The following FRMD5 variants were observed in gnomAD, a reference collection of about 807,000 sequenced individuals.
The protein encoded by FRMD5 is FERM domain-containing protein 5.
A neutral mutation model predicts 69.0 loss-of-function variants in FRMD5; 20 were observed. The ratio of observed to expected loss-of-function variants is 0.29; its 90% CI spans 0.20 to 0.42. FRMD5 has a LOEUF of 0.42. Among genes scored for constraint, FRMD5 ranks in the 10% least tolerant of loss-of-function variants. The pLI, the probability that FRMD5 is intolerant of heterozygous loss-of-function variation, is 1.00. For synonymous variants in FRMD5, 271 were observed against 260.1 expected (o/e 1.04, Z -0.40); for missense variants, 595 against 708.6 (o/e 0.84, Z 1.82).
chr15:43,902,436 T>A (rs1346453427), intron 6 of FRMD5, among the ~76,000 whole-genome samples, 174 bp from the exon 7 acceptor site: 1 of 152,170 alleles, frequency 6.6e-6, no homozygotes, highest in Non-Finnish European at 1.5e-5. Flanking sequence ...TCTCTGACTG[T>A]CTTCAAACGT....
At chr15:43,973,265 G>A (rs931882481) in intron 1 of FRMD5, among the ~76,000 whole-genome samples, 37 of 151,692 alleles carry the variant, frequency 2.4e-4, no homozygotes, top group African/African-American at 2.2e-4. Flanking sequence ...CTCATGATCC[G>A]CCTGCCTCGG....
At chr15:43,986,462 T>C (rs1001137505) in intron 1 of FRMD5, among the ~76,000 whole-genome samples, 2 of 152,186 alleles carry the variant, frequency 1.3e-5, no homozygotes, top group Admixed American at 1.3e-4. Context: ...GGCAAACTAA[T>C]CAATGTAAAT....
intron 1 of FRMD5, among the ~76,000 whole-genome samples, chr15:44,157,669 A>T (rs2077549436): frequency 6.6e-6 from 1 of 152,206 alleles, no homozygotes; most frequent in Non-Finnish European, 1.5e-5. Context: ...GCTCTATGGT[A>T]TGCAAATGTA....
At chr15:44,054,844 G>A (rs1198351131) in intron 1 of FRMD5, among the ~76,000 whole-genome samples, 2 of 151,954 alleles carry the variant, frequency 1.3e-5, no homozygotes, top group African/African-American at 2.4e-5. Context: ...GGCCGAGGCG[G>A]GCACATCACG....
intron 1 of FRMD5, among the ~76,000 whole-genome samples, chr15:44,109,224 T>C (rs2076763548): frequency 6.6e-6 from 1 of 152,078 alleles, no homozygotes; most frequent in African/African-American, 2.4e-5. Context: ...TGTTTGCTCT[T>C]TGCATTCTTT....
chr15:43,964,678 G>T (rs575973258), intron 1 of FRMD5, among the ~76,000 whole-genome samples: 71 of 152,194 alleles, frequency 4.7e-4, no homozygotes, highest in South Asian at 8.3e-4. Context: ...ATGGAGAAAA[G>T]ATATTACCTA....
rs769278740 is a variant in FRMD5 at position 44,038,973 on chromosome 15, C to T, written c.103-114664G>A. On this transcript the variant is annotated intron_variant, in intron 1 of 13. Transcript: ENST00000417257. ...TGCTGCTAGCACAGCAGTCTGAGGT[C>T]GACTTAGAATGCTCAAGCTTTGTAG... Among the ~76,000 whole-genome samples, 5 of 152,282 alleles carry T rather than the reference C, an allele frequency of 3.3e-5. No homozygotes were observed. The South Asian group carries it at 1.0e-3, about 32-fold the overall frequency.
intron 1 of FRMD5, among the ~76,000 whole-genome samples, chr15:43,944,456 T>C (rs151315498): frequency 5.5e-3 from 831 of 152,330 alleles, no homozygotes; most frequent in South Asian, 0.013. Flanking sequence ...GTTTTCACTC[T>C]TGTTGCCCAG....
intron 1 of FRMD5, among the ~76,000 whole-genome samples, chr15:44,192,553 TC>T (rs1220404927): frequency 6.6e-6 from 1 of 152,138 alleles, no homozygotes; most frequent in Non-Finnish European, 1.5e-5. Context: ...ATTTAAAAGA[TC>T]CTATGCCCAG....
intron 1 of FRMD5, among the ~76,000 whole-genome samples, chr15:44,127,151 C>T (rs890783940): frequency 6.6e-6 from 1 of 152,154 alleles, no homozygotes; most frequent in African/African-American, 2.4e-5. Context: ...GGTGCAATAT[C>T]GGCTCACTGC....
intron 1 of FRMD5, among the ~76,000 whole-genome samples, chr15:43,993,468 C>A (rs528238626): frequency 2.0e-5 from 3 of 152,326 alleles, no homozygotes; most frequent in African/African-American, 7.2e-5. Flanking sequence ...GCTGGAATTA[C>A]AGGCGTGAGC....
chr15:43,923,784 C>G (rs941610168), intron 2 of FRMD5, among the ~76,000 whole-genome samples: 1 of 152,194 alleles, frequency 6.6e-6, no homozygotes, highest in Non-Finnish European at 1.5e-5. Context: ...AAGGCCCGCG[C>G]TGGTTTGGCT....
chr15:43,879,688 A>G (rs2087841411), intron 13 of FRMD5: 1 of 398,996 alleles, frequency 2.5e-6, no homozygotes, highest in Admixed American at 4.4e-5. Flanking sequence ...CAGGAAGGCA[A>G]ATACTTCTTC....
At chr15:43,968,068 A>G (rs2140565997) in intron 1 of FRMD5, among the ~76,000 whole-genome samples, 1 of 151,338 alleles carries the variant, frequency 6.6e-6, no homozygotes, top group Admixed American at 6.6e-5. Context: ...ATTTTTTTCC[A>G]TTTTAGGAAA....
intron 4 of FRMD5, 186 bp downstream of exon 4, chr15:43,919,272 GC>G (rs1193157179): frequency 6.7e-6 from 5 of 746,902 alleles, no homozygotes; most frequent in African/African-American, 5.1e-5. Context: ...CCACTCTGTT[GC>G]GACTGCACTG....
At chr15:44,167,125 T>C (rs537344965) in intron 1 of FRMD5, among the ~76,000 whole-genome samples, 7 of 152,162 alleles carry the variant, frequency 4.6e-5, no homozygotes, top group Non-Finnish European at 8.8e-5. Context: ...TCCAAGCAAC[T>C]GGTTCATATT....
At chr15:44,008,267 T>C (rs1277469335) in intron 1 of FRMD5, among the ~76,000 whole-genome samples, 3 of 151,564 alleles carry the variant, frequency 2.0e-5, no homozygotes, top group Non-Finnish European at 4.4e-5. Flanking sequence ...GAAGGCTTTA[T>C]TTTATTATTT....
intron 1 of FRMD5, among the ~76,000 whole-genome samples, chr15:44,192,761 T>C (rs1330969857): frequency 6.6e-6 from 1 of 152,210 alleles, no homozygotes; most frequent in Non-Finnish European, 1.5e-5. Context: ...GCCAAAGTGA[T>C]GCCAAAGAAT....
intron 1 of FRMD5, among the ~76,000 whole-genome samples, chr15:43,974,482 T>C (rs1033509924): frequency 2.0e-5 from 3 of 152,222 alleles, no homozygotes; most frequent in Non-Finnish European, 2.9e-5. Flanking sequence ...TGCCTTAGGA[T>C]GGTCCCATTC....
Sources: allele counts gnomAD v4.1 joint callset (sites outside exome capture counted in the v4.1 genomes callset), GRCh38; gene constraint gnomAD v4.1.1; transcripts MANE v1.5; gene names NCBI Gene and HGNC (gene_info 2026-07-23, HGNC 2026-07-21).